GREB1: variants seen among roughly 807,000 people sequenced by gnomAD.
GREB1 encodes protein GREB1.
GREB1 carries 106 observed loss-of-function variants against 200.7 expected under a neutral mutation model. That is an observed-to-expected ratio of 0.53 (90% CI 0.45 to 0.62). The LOEUF is 0.62. Ranked by LOEUF, GREB1 falls within the 20% of genes least tolerant of loss-of-function variation. GREB1 has a pLI of 0.00. For synonymous variants in GREB1, 1,132 were observed against 1,092.4 expected (o/e 1.04, Z -0.72); for missense variants, 2,243 against 2,556.8 (o/e 0.88, Z 2.65).
chr2:11,612,549 G>T lies in GREB1; in HGVS notation c.3061G>T (p.Glu1021Ter). Reference protein sequence around the residue: ...EWRPQTYLELEGLPCILIFSG... With the variant: ...EWRPQTYLEL Reference sequence around the variant, plus strand: ...GAGACCCCAGACTTACTTGGAGCTGGAGGGTCTGCCTTGCATCCTGATCTT... The same window carrying T: ...GAGACCCCAGACTTACTTGGAGCTGTAGGGTCTGCCTTGCATCCTGATCTT... Residue 1021 changes from glutamate (E) to a stop codon, truncating the protein, a stop_gained, in exon 19 of 33, where the codon GAG becomes TAG. Transcript: ENST00000381486. LOFTEE classifies it high-confidence loss of function. The T allele has an allele frequency of 1.2e-6, 2 of 1,613,174 alleles. No individual in the cohort carries two copies. The highest frequency in any genetic ancestry group is 1.1e-5 in the South Asian group (1 of 91,024).
chr2:11,535,145 C>T (rs1482888770), intron 1 of GREB1, among the ~76,000 whole-genome samples: 3 of 152,178 alleles, frequency 2.0e-5, no homozygotes, highest in Non-Finnish European at 4.4e-5. Flanking sequence ...GACAGGATTT[C>T]ACAGAAGACC....
At chr2:11,627,638 C>G (rs1684577713) in intron 25 of GREB1, among the ~76,000 whole-genome samples, 1 of 152,232 alleles carries the variant, frequency 6.6e-6, no homozygotes, top group Admixed American at 6.5e-5. Flanking sequence ...ATATATCAGT[C>G]TCTCCCAACC....
In GREB1 at chr2:11,552,989, G is replaced by A. The variant is rs1239022798; in HGVS notation, c.-161-3465G>A. Among the ~76,000 whole-genome samples, 35 of 132,146 alleles carry A rather than the reference G, an allele frequency of 2.6e-4. No homozygotes were observed. The East Asian group carries it at 6.0e-3, about 22-fold the overall frequency. 86.7% of individuals were successfully genotyped at this position (132,146 alleles called of 152,430 possible). ...CGCGCCACTGCACTCCAGCCTGGGC[G>A]ACAGAGCGAAACTCCGTCTCAAAAA... On this transcript the variant is annotated intron_variant, in intron 1 of 32. Transcript: ENST00000381486.
chr2:11,563,565 G>A (rs2147932664), intron 3 of GREB1, among the ~76,000 whole-genome samples: 2 of 152,346 alleles, frequency 1.3e-5, no homozygotes, highest in Middle Eastern at 6.8e-3. Flanking sequence ...GAGAACATCA[G>A]CTTGGGCATC....
intron 1 of GREB1, among the ~76,000 whole-genome samples, chr2:11,527,061 A>G (rs554852630): frequency 3.3e-5 from 5 of 152,314 alleles, no homozygotes; most frequent in South Asian, 2.1e-4. Context: ...ACAGTTATTT[A>G]TGATTTAGAT....
chr2:11,526,290 A>C (rs1673873250), intron 1 of GREB1, among the ~76,000 whole-genome samples: 1 of 152,140 alleles, frequency 6.6e-6, no homozygotes, highest in Non-Finnish European at 1.5e-5. Context: ...CTCTTAGAGG[A>C]GAATAAGAGA....
intron 1 of GREB1, among the ~76,000 whole-genome samples, chr2:11,499,284 G>A (rs1672966053): frequency 1.3e-5 from 2 of 152,242 alleles, no homozygotes; most frequent in Admixed American, 1.3e-4. Flanking sequence ...GGGTGCAGGG[G>A]TCAGCCTGGG....
At chr2:11,624,931 C>T (rs544029954) in intron 23 of GREB1, among the ~76,000 whole-genome samples, 2 of 152,270 alleles carry the variant, frequency 1.3e-5, no homozygotes, top group East Asian at 3.9e-4. Flanking sequence ...CACCCGTGCT[C>T]ACAGGTTAGT....
chr2:11,592,871 GCGC>G lies in GREB1; in HGVS notation c.1448_1450del (p.Pro483del). On this transcript the variant is annotated inframe_deletion, in exon 11 of 33. Transcript: ENST00000381486. Reference sequence around the variant, plus strand: ...GACCGAGATCCGGCAGTACCAGCAGGCGCCGCCGCAGCCCTTCCCGCCCGCGCC... The same window carrying G: ...GACCGAGATCCGGCAGTACCAGCAGGCGCCGCAGCCCTTCCCGCCCGCGCC... The G allele has an allele frequency of 1.9e-6, 3 of 1,599,068 alleles. No homozygotes were observed. Among genetic ancestry groups the G allele is most frequent in the Non-Finnish European group, 2.6e-6 (3 of 1,174,876 alleles).
intron 1 of GREB1, among the ~76,000 whole-genome samples, chr2:11,552,342 A>G (rs1176120513): frequency 6.6e-6 from 1 of 152,220 alleles, no homozygotes; most frequent in African/African-American, 2.4e-5. Context: ...TAACTGCAGC[A>G]GGGATCTAGC....
At chr2:11,610,545 C>G in intron 17 of GREB1, 143 bp from the exon 18 acceptor site, 1 of 636,554 alleles carries the variant, frequency 1.6e-6, no homozygotes, top group Non-Finnish European at 2.7e-6. Context: ...ATTCAGGTTC[C>G]CACAACCACC....
chr2:11,571,438 A>G (rs1208746906), intron 4 of GREB1, among the ~76,000 whole-genome samples: 1 of 152,210 alleles, frequency 6.6e-6, no homozygotes, highest in East Asian at 1.9e-4. Flanking sequence ...CCATCTTGGC[A>G]GAGAAGTACT....
chr2:11,636,811 GA>G lies in GREB1; in HGVS notation c.5347-904del, dbSNP rs1204744666. Among the ~76,000 whole-genome samples the G allele has an allele frequency of 1.5e-3, 193 of 132,164 alleles. 1 individual carries two copies. Among genetic ancestry groups the G allele is most frequent in the Middle Eastern group, 3.9e-3 (1 of 256 alleles). The allele number at this position is 132,164 out of a possible 152,430, so 86.7% of individuals were successfully genotyped here. A position where few individuals can be genotyped will look rare whatever the true frequency, so the allele number is the denominator to read the frequency against. On this transcript the variant is annotated intron_variant, in intron 30 of 32. Transcript: ENST00000381486. ...GGGCATGGGCAGGGGCAGAGGCAGG[GA>G]CAGAGGCAGGGGCAGGGACAGAGGC... is the stretch of plus-strand genomic sequence containing the variant.
At chr2:11,512,601 G>A (rs942617501) in intron 1 of GREB1, among the ~76,000 whole-genome samples, 6 of 152,288 alleles carry the variant, frequency 3.9e-5, no homozygotes, top group Middle Eastern at 3.4e-3. Context: ...TGGAAGGTGC[G>A]GTGAGCTTGG....
At chr2:11,627,926 A>C (rs1188840179) in intron 25 of GREB1, among the ~76,000 whole-genome samples, 1 of 152,224 alleles carries the variant, frequency 6.6e-6, no homozygotes, top group Non-Finnish European at 1.5e-5. Context: ...CCAAGAATTA[A>C]TAAGATGAAG....
chr2:11,634,850 G>T (rs1032460078), intron 29 of GREB1, among the ~76,000 whole-genome samples: 1 of 152,136 alleles, frequency 6.6e-6, no homozygotes, highest in African/African-American at 2.4e-5. Context: ...GCTTTGCAGC[G>T]CAGGCAGGCC....
intron 23 of GREB1, among the ~76,000 whole-genome samples, chr2:11,623,405 G>A (rs552793131): frequency 5.9e-5 from 9 of 152,298 alleles, no homozygotes; most frequent in Non-Finnish European, 1.2e-4. Flanking sequence ...ACAGCCTCGG[G>A]CAGGTCCTTC....
At chr2:11,562,757 C>T in intron 3 of GREB1, 175 bp downstream of exon 3, 2 of 607,950 alleles carry the variant, frequency 3.3e-6, no homozygotes, top group Non-Finnish European at 2.6e-6. Flanking sequence ...CTGGCCCGGC[C>T]TGCCCTCCTG....
chr2:11,621,408 C>T (rs924612236), intron 23 of GREB1, among the ~76,000 whole-genome samples: 1 of 152,214 alleles, frequency 6.6e-6, no homozygotes, highest in Non-Finnish European at 1.5e-5. Flanking sequence ...GCAAAGCAGA[C>T]TTACCCCTCA....
Sources: gnomAD v4.1 joint callset for allele counts (sites outside exome capture counted in the v4.1 genomes callset) on GRCh38, gnomAD v4.1.1 for gene constraint, MANE v1.5 for transcripts, NCBI Gene and HGNC (gene_info 2026-07-23, HGNC 2026-07-21) for gene names.